PTPRD: variants seen among roughly 807,000 people sequenced by gnomAD.
PTPRD encodes protein tyrosine phosphatase receptor type D, also known as receptor-type tyrosine-protein phosphatase delta.
Under a neutral mutation model 214.5 loss-of-function variants are expected in PTPRD, and 34 were observed. That is an observed-to-expected ratio of 0.16 (90% CI 0.12 to 0.21). The LOEUF is 0.21. Among genes scored for constraint, PTPRD ranks in the 10% least tolerant of loss-of-function variants. PTPRD has a pLI of 1.00. For synonymous variants in PTPRD, 1,128 were observed against 845.7 expected, an observed-to-expected ratio of 1.33 and a Z score of -5.79; for missense variants, 2,545 against 2,398.7, an observed-to-expected ratio of 1.06 and a Z score of -1.27.
intron 31 of PTPRD, among the ~76,000 whole-genome samples, chr9:8,467,911 C>A (rs1268194912): frequency 1.3e-5 from 2 of 151,908 alleles, no homozygotes; most frequent in African/African-American, 4.8e-5. Flanking sequence ...TGCAGAGGTG[C>A]TGAACAGTTT....
At chr9:9,880,074 G>A (rs1489194636) in intron 5 of PTPRD, among the ~76,000 whole-genome samples, 1 of 152,126 alleles carries the variant, frequency 6.6e-6, no homozygotes, top group Non-Finnish European at 1.5e-5. Flanking sequence ...AAGTGTCCAG[G>A]GAGGGAGGTG....
At chr9:9,658,594 T>G (rs534519076) in intron 7 of PTPRD, among the ~76,000 whole-genome samples, 2 of 152,306 alleles carry the variant, frequency 1.3e-5, no homozygotes, top group East Asian at 1.9e-4. Context: ...CCTTCATTGT[T>G]CAGACAGATC....
At chr9:10,487,211 A>C (rs1319149121) in intron 2 of PTPRD, among the ~76,000 whole-genome samples, 1 of 152,104 alleles carries the variant, frequency 6.6e-6, no homozygotes, top group African/African-American at 2.4e-5. Context: ...TGTTTCTTAT[A>C]GGCAACAGAT....
intron 9 of PTPRD, among the ~76,000 whole-genome samples, chr9:9,192,058 G>T (rs1036151792): frequency 1.2e-4 from 18 of 152,092 alleles, no homozygotes; most frequent in African/African-American, 4.3e-4. Flanking sequence ...TCAAAGGAGT[G>T]CAGGGACAGT....
chr9:8,803,338 T>A (rs1346111010), intron 11 of PTPRD, among the ~76,000 whole-genome samples: 1 of 152,122 alleles, frequency 6.6e-6, no homozygotes, highest in Non-Finnish European at 1.5e-5. Flanking sequence ...TTTAATTACC[T>A]GAGGAAATAA....
intron 10 of PTPRD, among the ~76,000 whole-genome samples, chr9:9,083,303 G>C (rs1288123072): frequency 1.3e-5 from 2 of 152,090 alleles, no homozygotes; most frequent in Non-Finnish European, 2.9e-5. Flanking sequence ...AATGGGGAAA[G>C]GATTCCCTAT....
At chr9:10,175,733 T>C (rs2099244213) in intron 3 of PTPRD, among the ~76,000 whole-genome samples, 1 of 151,944 alleles carries the variant, frequency 6.6e-6, no homozygotes, top group Non-Finnish European at 1.5e-5. Flanking sequence ...AAGCAAATCA[T>C]TAAATTAGTC....
rs139380692 is a variant in PTPRD at position 9,535,551 on chromosome 9, A to G, written c.-237+39181T>C. On this transcript the variant is annotated intron_variant, in intron 8 of 45. Coordinates refer to ENST00000381196, the MANE Select transcript of PTPRD (RefSeq NM_002839.4). ...AGGGAGCTTTGAAAACAATGTACAC[A>G]TACATTAAAAACAGATTTATTTTTT... 4.7e-4 allele frequency among the ~76,000 whole-genome samples: 71 copies of G among 152,260 alleles called. No individual in the cohort carries two copies. The East Asian group carries it at 0.013, about 29-fold the overall frequency.
intron 9 of PTPRD, among the ~76,000 whole-genome samples, chr9:9,246,197 T>C (rs1402173019): frequency 1.3e-5 from 2 of 152,098 alleles, no homozygotes; most frequent in Admixed American, 6.6e-5. Flanking sequence ...TGCAGGTTTG[T>C]TGTCCACCTG....
intron 34 of PTPRD, among the ~76,000 whole-genome samples, chr9:8,441,863 A>C (rs7853571): frequency 0.14 from 21,228 of 152,178 alleles, 1,695 homozygotes; most frequent in East Asian, 0.27. Flanking sequence ...CATACCCCGT[A>C]CACTCTCATT....
At chr9:10,556,003 T>C (rs931366900) in intron 2 of PTPRD, among the ~76,000 whole-genome samples, 1 of 152,156 alleles carries the variant, frequency 6.6e-6, no homozygotes, top group Non-Finnish European at 1.5e-5. Flanking sequence ...ACATATTAAT[T>C]ATAAACCTTC....
intron 10 of PTPRD, among the ~76,000 whole-genome samples, chr9:9,176,126 G>C (rs540361394): frequency 6.6e-6 from 1 of 152,148 alleles, no homozygotes; most frequent in African/African-American, 2.4e-5. Context: ...TAGAAAAATA[G>C]TTGAAGAGCA....
At chr9:9,987,898 A>C (rs1397254894) in intron 4 of PTPRD, among the ~76,000 whole-genome samples, 3 of 152,150 alleles carry the variant, frequency 2.0e-5, no homozygotes, top group African/African-American at 7.2e-5. Flanking sequence ...AAGGAATGTT[A>C]TTTACTATTA....
At chr9:9,170,544 G>A (rs2099912465) in intron 10 of PTPRD, among the ~76,000 whole-genome samples, 1 of 152,134 alleles carries the variant, frequency 6.6e-6, no homozygotes, top group Non-Finnish European at 1.5e-5. Flanking sequence ...TTGATTAATT[G>A]ATTGTCTTCT....
chr9:9,118,775 A>C (rs2099814734), intron 10 of PTPRD, among the ~76,000 whole-genome samples: 1 of 152,192 alleles, frequency 6.6e-6, no homozygotes, highest in African/African-American at 2.4e-5. Context: ...TATTTTTATA[A>C]TTTCAATTCC....
intron 11 of PTPRD, among the ~76,000 whole-genome samples, chr9:8,990,670 G>C: frequency 6.6e-6 from 1 of 152,090 alleles, no homozygotes; most frequent in East Asian, 1.9e-4. Flanking sequence ...GCCTTCCCCT[G>C]CCTTTCTGTG....
At chr9:8,352,894 C>G (rs2075902465) in intron 39 of PTPRD, among the ~76,000 whole-genome samples, 3 of 152,036 alleles carry the variant, frequency 2.0e-5, no homozygotes, top group Admixed American at 2.0e-4. Context: ...GGACGGATCA[C>G]GAAGTTAAGA....
intron 8 of PTPRD, among the ~76,000 whole-genome samples, chr9:9,410,177 T>C (rs574531792): frequency 5.9e-5 from 9 of 152,288 alleles, no homozygotes; most frequent in African/African-American, 2.2e-4. Context: ...GACCAGAGGT[T>C]ACTGGCACAA....
chr9:10,585,783 C>T (rs2073708392), intron 2 of PTPRD, among the ~76,000 whole-genome samples: 1 of 151,826 alleles, frequency 6.6e-6, no homozygotes, highest in Non-Finnish European at 1.5e-5. Flanking sequence ...TTATTAAATA[C>T]TGGAGACTTT....
Sources: gnomAD v4.1 joint callset for allele counts (sites outside exome capture counted in the v4.1 genomes callset) on GRCh38, gnomAD v4.1.1 for gene constraint, MANE v1.5 for transcripts, NCBI Gene and HGNC (gene_info 2026-07-23, HGNC 2026-07-21) for gene names.